Variants in PPP1R2 observed in about 807,000 individuals in gnomAD.
PPP1R2 encodes protein phosphatase 1 regulatory inhibitor subunit 2.
In PPP1R2, 16 loss-of-function variants were observed where a neutral mutation model predicts 29.9. The ratio of observed to expected loss-of-function variants is 0.53; its 90% CI spans 0.36 to 0.81. PPP1R2 has a LOEUF of 0.81. Among genes scored for constraint, PPP1R2 ranks in the 30% least tolerant of loss-of-function variants. PPP1R2 has a pLI of 0.00. For synonymous variants in PPP1R2, 76 were observed against 91.5 expected, an observed-to-expected ratio of 0.83 and a Z score of 0.96; for missense variants, 197 against 252.7, an observed-to-expected ratio of 0.78 and a Z score of 1.49.
chr3:195,542,637 C>G (rs371183325), intron 1 of PPP1R2, among the ~76,000 whole-genome samples: 1 of 152,088 alleles, frequency 6.6e-6, no homozygotes, highest in South Asian at 2.1e-4. Context: ...CAATTTCATT[C>G]TTTGATGTTC....
At chr3:195,518,984 C>T (rs113216613) in intron 5 of PPP1R2, 34 bp downstream of exon 5, 9 of 1,608,686 alleles carry the variant, frequency 5.6e-6, no homozygotes, top group African/African-American at 5.3e-5. Flanking sequence ...TAGACCATTA[C>T]AAAAGTCTCA....
chr3:195,532,262 G>T (rs1422969574), intron 1 of PPP1R2, among the ~76,000 whole-genome samples: 1 of 142,248 alleles, frequency 7.0e-6, no homozygotes, highest in African/African-American at 2.6e-5. Flanking sequence ...ATGTTGTCAG[G>T]CTGGTATCAA....
intron 4 of PPP1R2, 142 bp downstream of exon 4, chr3:195,523,550 T>C: frequency 1.5e-6 from 1 of 654,582 alleles, no homozygotes; most frequent in Non-Finnish European, 2.7e-6. Context: ...ACAAGTAGTA[T>C]CTGAATTATA....
chr3:195,526,519 C>T (rs764788623), intron 2 of PPP1R2, among the ~76,000 whole-genome samples: 17 of 152,300 alleles, frequency 1.1e-4, no homozygotes, highest in Non-Finnish European at 2.1e-4. Flanking sequence ...TACTTAGGGA[C>T]CAAATAACTT....
rs1339428093 is a variant in PPP1R2, at chr3:195,543,236, C to T, written c.-211G>A. 1.5e-5 allele frequency: 9 copies of T among 606,080 alleles called. No homozygotes were observed. The highest frequency in any genetic ancestry group is 2.4e-5 in the Non-Finnish European group (9 of 374,014). 37.5% of individuals were successfully genotyped at this position (606,080 alleles called of 1,614,324 possible). A position where few individuals can be genotyped will look rare whatever the true frequency, so the allele number is the denominator to read the frequency against. On this transcript the variant is annotated 5_prime_UTR_variant, in exon 1 of 6. Transcript: ENST00000618156. The stretch of plus-strand genomic sequence containing the variant: ...CAACGCCGAACGGGTGGCGGCTACT[C>T]GCGCACCCTTAGCCACTGGCACTTG...
intron 2 of PPP1R2, among the ~76,000 whole-genome samples, chr3:195,526,973 G>C (rs1017395934): frequency 2.0e-5 from 3 of 152,112 alleles, no homozygotes; most frequent in African/African-American, 7.2e-5. Context: ...AGTAGAGACG[G>C]GGTTTCACCA....
rs1719110892 is a variant in PPP1R2, at chr3:195,529,737, A to G, written c.230+57T>C. 2.0e-5 allele frequency: 25 copies of G among 1,252,548 alleles called. 2 individuals carry two copies. The South Asian group carries it at 3.2e-4, about 16-fold the overall frequency. The allele number at this position is 1,252,548 out of a possible 1,614,324, so 77.6% of individuals were successfully genotyped here. A position where few individuals can be genotyped will look rare whatever the true frequency, so the allele number is the denominator to read the frequency against. On this transcript the variant is annotated intron_variant, in intron 2 of 5. Transcript: ENST00000618156. ...CAAATAGGCTGTTATCCAGACGTTC[A>G]TATGAAATGCAAAATGGAAGTAAGT...
At chr3:195,517,063 A>G in intron 5 of PPP1R2, 121 bp from the exon 6 acceptor site, 1 of 750,334 alleles carries the variant, frequency 1.3e-6, no homozygotes, top group South Asian at 1.7e-5. Context: ...AATAAGGTAT[A>G]TTTCATGTAG....
intron 2 of PPP1R2, among the ~76,000 whole-genome samples, chr3:195,526,999 T>C (rs978663802): frequency 6.6e-5 from 10 of 151,016 alleles, no homozygotes; most frequent in African/African-American, 2.4e-4. Context: ...GCTAGGCTGG[T>C]CTTGAACTCC....
rs528293507 is a variant in PPP1R2 at position 195,515,067 on chromosome 3, A to C, written c.*1829T>G. ...TAAGAACTCAGAAACAAGAAAACCA[A>C]AATCAGAGGGTGCATGAATATATGT... On this transcript the variant is annotated 3_prime_UTR_variant, in exon 6 of 6. Coordinates refer to ENST00000618156, the MANE Select transcript of PPP1R2 (RefSeq NM_006241.8). The C allele has an allele frequency of 1.0e-5, 3 of 294,214 alleles. No homozygotes were observed. The highest frequency in any genetic ancestry group is 4.5e-5 in the Admixed American group (1 of 22,276). 18.2% of individuals were successfully genotyped at this position (294,214 alleles called of 1,614,324 possible).
In PPP1R2 at chr3:195,543,250, CA is replaced by C; in HGVS notation, c.-226del. The C allele has an allele frequency of 4.0e-6, 2 of 497,912 alleles. No homozygotes were observed. The highest frequency in any genetic ancestry group is 3.2e-5 in the South Asian group (1 of 31,678). The allele number at this position is 497,912 out of a possible 1,614,324, so 30.8% of individuals were successfully genotyped here. On this transcript the variant is annotated 5_prime_UTR_variant, in exon 1 of 6. Coordinates refer to ENST00000618156, the MANE Select transcript of PPP1R2 (RefSeq NM_006241.8). Reference sequence around the variant, plus strand: ...TGGCGGCTACTCGCGCACCCTTAGCCACTGGCACTTGACCCGCGGCTCGCGG... The same window carrying C: ...TGGCGGCTACTCGCGCACCCTTAGCCCTGGCACTTGACCCGCGGCTCGCGG...
intron 4 of PPP1R2, among the ~76,000 whole-genome samples, chr3:195,522,577 T>C (rs1577566747): frequency 6.6e-6 from 1 of 152,262 alleles, no homozygotes; most frequent in South Asian, 2.1e-4. Context: ...AAACTATTTC[T>C]ATTTGAAATA....
At chr3:195,534,456 A>G (rs1002070123) in intron 1 of PPP1R2, among the ~76,000 whole-genome samples, 3 of 152,198 alleles carry the variant, frequency 2.0e-5, no homozygotes, top group African/African-American at 7.2e-5. Flanking sequence ...AAGAGAAGCA[A>G]GCATCAGGAT....
At chr3:195,522,560 A>G (rs1021120741) in intron 4 of PPP1R2, among the ~76,000 whole-genome samples, 5 of 152,222 alleles carry the variant, frequency 3.3e-5, no homozygotes, top group Non-Finnish European at 7.3e-5. Context: ...GAGGAAACAA[A>G]CTCCAGAAAC....
At chr3:195,531,892 C>A (rs1719192253) in intron 1 of PPP1R2, among the ~76,000 whole-genome samples, 1 of 152,250 alleles carries the variant, frequency 6.6e-6, no homozygotes, top group African/African-American at 2.4e-5. Context: ...TGGCAACCAC[C>A]ATTCTACTTC....
At chr3:195,523,575 A>C in intron 4 of PPP1R2, 117 bp downstream of exon 4, 3 of 754,166 alleles carry the variant, frequency 4.0e-6, no homozygotes, top group Non-Finnish European at 6.8e-6. Context: ...TGTTGCTTTC[A>C]TTCTCCTCCC....
chr3:195,523,855 T>A, intron 3 of PPP1R2, 69 bp from the exon 4 acceptor site: 1 of 1,267,850 alleles, frequency 7.9e-7, no homozygotes, highest in Non-Finnish European at 1.1e-6. Context: ...CTTATTCAAC[T>A]GTTGATTCTT....
chr3:195,532,175 T>C (rs1324407175), intron 1 of PPP1R2, among the ~76,000 whole-genome samples: 1 of 151,426 alleles, frequency 6.6e-6, no homozygotes, highest in East Asian at 1.9e-4. Flanking sequence ...GGACCACAGG[T>C]ACGCACCACC....
intron 4 of PPP1R2, among the ~76,000 whole-genome samples, chr3:195,522,789 C>T (rs34357956): frequency 0.26 from 39,511 of 152,094 alleles, 6,226 homozygotes; most frequent in Admixed American, 0.45. Context: ...AGCAGCTACA[C>T]GACAAAGATC....
Sources: allele counts gnomAD v4.1 joint callset (sites outside exome capture counted in the v4.1 genomes callset), GRCh38; gene constraint gnomAD v4.1.1; transcripts MANE v1.5; gene names NCBI Gene and HGNC (gene_info 2026-07-23, HGNC 2026-07-21).